Variants in ZNF583 observed in about 807,000 individuals in gnomAD.
ZNF583 encodes zinc finger protein L3-5.
A neutral mutation model predicts 55.3 loss-of-function variants in ZNF583; 30 were observed. The observed-to-expected ratio is 0.54, with a 90% CI of 0.41 to 0.74. The LOEUF (loss-of-function observed/expected upper bound fraction) is 0.74. ZNF583 is among the 30% of genes least tolerant of loss of function. The pLI is 0.00. For synonymous variants in ZNF583, 208 were observed against 220.0 expected, an observed-to-expected ratio of 0.95 and a Z score of 0.48; for missense variants, 504 against 664.7, an observed-to-expected ratio of 0.76 and a Z score of 2.66.
In ZNF583 at chr19:56,424,176, T is replaced by C. The variant is rs564948883; in HGVS notation, c.1518T>C (p.Ser506=). The change falls in exon 5 of 5, where the codon TCT becomes TCC. Residue 506 remains serine, a synonymous_variant. Coordinates refer to ENST00000333201, the MANE Select transcript of ZNF583 (RefSeq NM_152478.3). ...VCGKAFSYSG[S]LTLHQRIHTG... Reference sequence around the variant, plus strand: ...GGAAAGCATTTAGCTATAGTGGATCTCTTACTCTACATCAGAGAATTCATA... The same window carrying C: ...GGAAAGCATTTAGCTATAGTGGATCCCTTACTCTACATCAGAGAATTCATA... The C allele has an allele frequency of 3.7e-6, 6 of 1,611,908 alleles. No individual in the cohort carries two copies. The African/African-American group carries it at 8.0e-5, about 22-fold the overall frequency.
At position 56,407,124 on chromosome 19, in the gene ZNF583, G is replaced by A; in HGVS notation, c.9+1G>A. 1 of 1,614,088 alleles carries A rather than the reference G, an allele frequency of 6.2e-7. No individual in the cohort carries two copies. The highest frequency in any genetic ancestry group is 1.3e-5 in the African/African-American group (1 of 75,052). On this transcript the variant is annotated splice_donor_variant, in intron 2 of 4. Transcript: ENST00000333201. LOFTEE classifies it high-confidence loss of function. ...TGGAATCCTTAAAGCCATGTCCAAG[G>A]TAAGGAAGCATTTCTTCTCTCTTCC...
At chr19:56,413,851 C>T in intron 2 of ZNF583, 108 bp from the exon 3 acceptor site, 2 of 1,486,936 alleles carry the variant, frequency 1.3e-6, no homozygotes, top group Non-Finnish European at 1.8e-6. Context: ...GAAAGTTTTG[C>T]TATGTGCAAT....
At chr19:56,415,646 C>T (rs571245622) in intron 4 of ZNF583, among the ~76,000 whole-genome samples, 2 of 152,266 alleles carry the variant, frequency 1.3e-5, no homozygotes, top group African/African-American at 4.8e-5. Context: ...GCACTGCAAC[C>T]TCCACCTCCC....
intron 4 of ZNF583, among the ~76,000 whole-genome samples, chr19:56,419,443 C>G (rs1265868331): frequency 6.6e-6 from 1 of 152,120 alleles, no homozygotes; most frequent in Non-Finnish European, 1.5e-5. Context: ...ATCCACCTGC[C>G]TCGGCCTCCC....
intron 4 of ZNF583, among the ~76,000 whole-genome samples, chr19:56,416,897 A>T (rs1026473468): frequency 6.6e-6 from 1 of 152,100 alleles, no homozygotes; most frequent in Non-Finnish European, 1.5e-5. Context: ...GTCTCTTTCC[A>T]TCTATCCTAC....
intron 4 of ZNF583, 29 bp from the exon 5 acceptor site, chr19:56,422,862 A>G: frequency 6.6e-7 from 1 of 1,517,436 alleles, no homozygotes; most frequent in East Asian, 2.3e-5. Context: ...ATTAAATACA[A>G]AAGTCATTTG....
At chr19:56,422,808 A>T in intron 4 of ZNF583, 83 bp from the exon 5 acceptor site, 11 of 954,314 alleles carry the variant, frequency 1.2e-5, no homozygotes, top group Non-Finnish European at 1.7e-5. Flanking sequence ...TTAACTTGTG[A>T]TGTATTTTAT....
In ZNF583 at chr19:56,413,815, G is replaced by A. The variant is rs150087277; in HGVS notation, c.10-144G>A. On this transcript the variant is annotated intron_variant, in intron 2 of 4. Transcript: ENST00000333201. ...GTCATTTAGCAATTACCTGACATGT[G>A]TTGCTCAGAACCTAAGATACTGTCA... 4 of 1,043,302 alleles carry A rather than the reference G, an allele frequency of 3.8e-6. No individual in the cohort carries two copies. The East Asian group carries it at 1.0e-4, about 27-fold the overall frequency. The allele number at this position is 1,043,302 out of a possible 1,614,324, so 64.6% of individuals were successfully genotyped here.
In ZNF583 at chr19:56,423,476, G is replaced by A; in HGVS notation, c.818G>A (p.Cys273Tyr). 1 of 1,613,958 alleles carries A rather than the reference G, an allele frequency of 6.2e-7. No homozygotes were observed. The highest frequency in any genetic ancestry group is 8.5e-7 in the Non-Finnish European group (1 of 1,179,932). ...GAGAAACCCTATGAATGTAAAGAATGTAGGAAAGCCTTCAGCCAGAATGCA... is the reference window on the plus strand; with the variant it reads ...GAGAAACCCTATGAATGTAAAGAATATAGGAAAGCCTTCAGCCAGAATGCA... ...TGEKPYECKE[C>Y]RKAFSQNAHL... The change falls in exon 5 of 5, where the codon TGT becomes TAT. Residue 273 changes from cysteine to tyrosine, a missense_variant. Physicochemically the swap from Cys to Tyr is radical, Grantham distance 194. Coordinates refer to ENST00000333201, the MANE Select transcript of ZNF583 (RefSeq NM_152478.3).
intron 1 of ZNF583, 82 bp from the exon 2 acceptor site, chr19:56,406,944 A>C (rs1459621256): frequency 1.6e-6 from 1 of 609,320 alleles, no homozygotes; most frequent in Admixed American, 3.2e-5. Flanking sequence ...AGAAGGAGAA[A>C]GAGAAGGAAA....
At chr19:56,422,078 G>A (rs1268581107) in intron 4 of ZNF583, among the ~76,000 whole-genome samples, 1 of 152,214 alleles carries the variant, frequency 6.6e-6, no homozygotes, top group African/African-American at 2.4e-5. Flanking sequence ...CCATATGACT[G>A]AAGTGGAGTA....
At chr19:56,408,997 G>A (rs1178537206) in intron 2 of ZNF583, among the ~76,000 whole-genome samples, 2 of 147,814 alleles carry the variant, frequency 1.4e-5, no homozygotes, top group African/African-American at 2.5e-5. Context: ...CCCCCTACAT[G>A]TTGACATAGC....
At chr19:56,420,554 A>G (rs553934798) in intron 4 of ZNF583, among the ~76,000 whole-genome samples, 2 of 152,202 alleles carry the variant, frequency 1.3e-5, no homozygotes, top group African/African-American at 4.8e-5. Flanking sequence ...TATTTCTTAC[A>G]CTTTCAATTT....
At chr19:56,411,484 T>C (rs554899868) in intron 2 of ZNF583, among the ~76,000 whole-genome samples, 1 of 152,362 alleles carries the variant, frequency 6.6e-6, no homozygotes, top group African/African-American at 2.4e-5. Context: ...CAGACTCTAT[T>C]AGTTCATGTG....
At chr19:56,405,548 G>A (rs2042133565) in intron 1 of ZNF583, among the ~76,000 whole-genome samples, 2 of 152,094 alleles carry the variant, frequency 1.3e-5, no homozygotes, top group East Asian at 3.9e-4. Context: ...GGAAAAGATG[G>A]AGAAAGGGAG....
intron 4 of ZNF583, 105 bp from the exon 5 acceptor site, chr19:56,422,786 C>T (rs2042436254): frequency 2.6e-6 from 2 of 782,120 alleles, no homozygotes; most frequent in Admixed American, 3.4e-5. Context: ...GCATTATAAG[C>T]TTTTAAATCC....
chr19:56,419,513 A>C (rs527759215), intron 4 of ZNF583, among the ~76,000 whole-genome samples: 1 of 152,134 alleles, frequency 6.6e-6, no homozygotes, highest in Non-Finnish European at 1.5e-5. Flanking sequence ...ACTTTCTTAT[A>C]ATTTTTTTAT....
chr19:56,417,172 T>C (rs2042339391), intron 4 of ZNF583, among the ~76,000 whole-genome samples: 1 of 152,216 alleles, frequency 6.6e-6, no homozygotes, highest in Non-Finnish European at 1.5e-5. Context: ...TACAGGACTT[T>C]GTGTGAACAT....
chr19:56,411,258 T>C (rs2042233825), intron 2 of ZNF583, among the ~76,000 whole-genome samples: 1 of 152,010 alleles, frequency 6.6e-6, no homozygotes, highest in Admixed American at 6.6e-5. Flanking sequence ...GACACTGTAC[T>C]CCAGCCTTGG....
Sources: allele counts gnomAD v4.1 joint callset (sites outside exome capture counted in the v4.1 genomes callset), GRCh38; gene constraint gnomAD v4.1.1; transcripts MANE v1.5; gene names NCBI Gene and HGNC (gene_info 2026-07-23, HGNC 2026-07-21).